DST: variants seen among roughly 807,000 people sequenced by gnomAD.
DST encodes bullous pemphigoid antigen.
Under a neutral mutation model 875.2 loss-of-function variants are expected in DST, and 253 were observed. The ratio of observed to expected loss-of-function variants is 0.29; its 90% confidence interval spans 0.26 to 0.32. DST has a LOEUF of 0.32. DST is among the 10% of genes least tolerant of loss of function. The pLI is 1.00. For synonymous variants in DST, 3,124 were observed against 3,197.1 expected (o/e 0.98, Z 0.77); for missense variants, 8,287 against 9,111.6 (o/e 0.91, Z 3.68).
At chr6:56,505,858 T>C (rs2096294213) in intron 77 of DST, among the ~76,000 whole-genome samples, 1 of 151,998 alleles carries the variant, frequency 6.6e-6, no homozygotes, top group Admixed American at 6.6e-5. Flanking sequence ...TTATAAATGG[T>C]TAATGAACTG....
intron 50 of DST, among the ~76,000 whole-genome samples, chr6:56,574,518 T>G (rs1394189519): frequency 6.6e-6 from 1 of 152,174 alleles, no homozygotes; most frequent in East Asian, 1.9e-4. Context: ...GTTAAGATTA[T>G]GCTTCTAAAA....
At chr6:56,819,036 C>T (rs1427928408) in intron 4 of DST, among the ~76,000 whole-genome samples, 3 of 152,100 alleles carry the variant, frequency 2.0e-5, no homozygotes, top group Non-Finnish European at 4.4e-5. Context: ...AATACTACAG[C>T]AAGGGCTTAT....
chr6:56,883,265 T>C (rs1783071540), intron 3 of DST, among the ~76,000 whole-genome samples: 1 of 152,158 alleles, frequency 6.6e-6, no homozygotes, highest in Non-Finnish European at 1.5e-5. Flanking sequence ...GGGAAAAAAA[T>C]CTGCTCTAGA....
intron 5 of DST, among the ~76,000 whole-genome samples, chr6:56,722,368 G>A (rs867736113): frequency 4.1e-4 from 62 of 150,596 alleles, no homozygotes; most frequent in African/African-American, 7.1e-4. Flanking sequence ...GTACATGTTT[G>A]TTTATTTATT....
chr6:56,776,233 C>G (rs1244374182), intron 4 of DST, among the ~76,000 whole-genome samples: 1 of 152,116 alleles, frequency 6.6e-6, no homozygotes, highest in Non-Finnish European at 1.5e-5. Flanking sequence ...AATACCTGAC[C>G]ACTACTCCTC....
intron 82 of DST, among the ~76,000 whole-genome samples, chr6:56,496,723 T>G (rs1245040348): frequency 6.6e-6 from 1 of 152,126 alleles, no homozygotes; most frequent in Non-Finnish European, 1.5e-5. Flanking sequence ...CACACTAACC[T>G]TTGTGGCACT....
chr6:56,881,530 T>G (rs1782223672), intron 3 of DST, among the ~76,000 whole-genome samples: 1 of 152,074 alleles, frequency 6.6e-6, no homozygotes, highest in Non-Finnish European at 1.5e-5. Context: ...ATAAAACAAG[T>G]AACTGATAAA....
At chr6:56,786,051 C>T (rs1283201678) in intron 4 of DST, among the ~76,000 whole-genome samples, 1 of 152,080 alleles carries the variant, frequency 6.6e-6, no homozygotes, top group Non-Finnish European at 1.5e-5. Context: ...TTTTCATGTC[C>T]CCAGCACCTA....
At chr6:56,562,297 C>CTGATTGTTGAAA in intron 55 of DST, 97 bp from the exon 56 acceptor site, 1 of 736,330 alleles carries the variant, frequency 1.4e-6, no homozygotes, top group Non-Finnish European at 2.1e-6. Flanking sequence ...ACAGTAATCA[C>CTGATTGTTGAAA]ACATAAAACA....
At chr6:56,587,729 A>G (rs2098186260) in intron 49 of DST, among the ~76,000 whole-genome samples, 1 of 152,204 alleles carries the variant, frequency 6.6e-6, no homozygotes, top group African/African-American at 2.4e-5. Context: ...GAAACTCTAC[A>G]AGCCAGAAGA....
At chr6:56,635,093 C>T (rs1378816628) in intron 24 of DST, 140 bp from the exon 25 acceptor site, 3 of 689,722 alleles carry the variant, frequency 4.3e-6, no homozygotes, top group Admixed American at 5.5e-5. Context: ...TCCTCCTCCA[C>T]CCCATCTTGT....
At chr6:56,760,921 C>G (rs765548254) in intron 4 of DST, among the ~76,000 whole-genome samples, 1 of 152,186 alleles carries the variant, frequency 6.6e-6, no homozygotes, top group Non-Finnish European at 1.5e-5. Flanking sequence ...TAAAACATGT[C>G]CATACATGGA....
intron 67 of DST, among the ~76,000 whole-genome samples, chr6:56,528,292 T>C (rs889398573): frequency 2.0e-5 from 3 of 152,184 alleles, no homozygotes; most frequent in African/African-American, 4.8e-5. Flanking sequence ...GCCCCCAACA[T>C]ACACATATTG....
intron 36 of DST, chr6:56,618,384 T>A: frequency 6.2e-7 from 1 of 1,614,188 alleles, no homozygotes; most frequent in Admixed American, 1.7e-5. Flanking sequence ...TTCACTGTCA[T>A]CTCAAAATCT....
Position 56,498,180 on chromosome 6 carries a change from A to G in DST, c.19897-127T>C, listed in dbSNP as rs907797248. ...AAAACGTTATATGTGTAGAATTTTA[A>G]TTTTTTTTAAAGAGATGGGGTCTTA... On this transcript the variant is annotated intron_variant, in intron 80 of 103. Coordinates refer to ENST00000680361, the MANE Select transcript of DST (RefSeq NM_001374736.1). The G allele has an allele frequency of 5.3e-6, 5 of 943,642 alleles. No individual in the cohort carries two copies. In the African/African-American group the frequency reaches 6.7e-5, roughly 13 times the overall value. The allele number at this position is 943,642 out of a possible 1,614,324, so 58.5% of individuals were successfully genotyped here. A position where few individuals can be genotyped will look rare whatever the true frequency, so the allele number is the denominator to read the frequency against.
intron 9 of DST, among the ~76,000 whole-genome samples, chr6:56,686,909 T>C (rs1211844227): frequency 6.6e-6 from 1 of 152,202 alleles, no homozygotes; most frequent in Non-Finnish European, 1.5e-5. Flanking sequence ...CGTTTAATCC[T>C]CAAAACAAGA....
At chr6:56,633,974 T>C (rs555384042) in intron 27 of DST, among the ~76,000 whole-genome samples, 158 bp downstream of exon 27, 2 of 152,314 alleles carry the variant, frequency 1.3e-5, no homozygotes, top group South Asian at 2.1e-4. Context: ...GTGCCTTATA[T>C]GCTATGGGCA....
At chr6:56,928,766 G>A (rs988190762) in intron 2 of DST, among the ~76,000 whole-genome samples, 3 of 151,844 alleles carry the variant, frequency 2.0e-5, no homozygotes, top group African/African-American at 7.3e-5. Flanking sequence ...GAAACCAATA[G>A]CTTCACTTAC....
At chr6:56,595,637 C>A (rs939734638) in intron 47 of DST, among the ~76,000 whole-genome samples, 2 of 152,190 alleles carry the variant, frequency 1.3e-5, no homozygotes, top group African/African-American at 4.8e-5. Flanking sequence ...CCCAATTAGT[C>A]AGCTCAGAAC....
Sources: gnomAD v4.1 joint callset for allele counts (sites outside exome capture counted in the v4.1 genomes callset) on GRCh38, gnomAD v4.1.1 for gene constraint, MANE v1.5 for transcripts, NCBI Gene and HGNC (gene_info 2026-07-23, HGNC 2026-07-21) for gene names.